THSD7B: variants seen among roughly 807,000 people sequenced by gnomAD.
THSD7B encodes the protein thrombospondin type-1 domain-containing protein 7B.
In THSD7B, 138 loss-of-function variants were observed where a neutral mutation model predicts 213.6. The ratio of observed to expected loss-of-function variants is 0.65; its 90% CI spans 0.56 to 0.74. The LOEUF is 0.74. THSD7B is among the 30% of genes least tolerant of loss of function. The pLI, the probability that THSD7B is intolerant of heterozygous loss-of-function variation, is 0.00. For missense variants in THSD7B, 1,931 were observed against 1,991.5 expected (o/e 0.97, Z 0.58); for synonymous variants, 742 against 687.0 (o/e 1.08, Z -1.25).
At chr2:137,116,849 A>G (rs1021366915) in intron 5 of THSD7B, among the ~76,000 whole-genome samples, 3 of 152,310 alleles carry the variant, frequency 2.0e-5, no homozygotes, top group Admixed American at 1.3e-4. Flanking sequence ...TGAGCAATCT[A>G]TCAAGCCCGA....
intron 2 of THSD7B, among the ~76,000 whole-genome samples, chr2:136,903,593 C>T (rs942269783): frequency 4.6e-5 from 7 of 152,104 alleles, no homozygotes; most frequent in Admixed American, 3.9e-4. Flanking sequence ...CACCCCAGCC[C>T]TTTATCCTGG....
At chr2:137,255,148 T>C (rs1682276800) in intron 10 of THSD7B, among the ~76,000 whole-genome samples, 1 of 152,126 alleles carries the variant, frequency 6.6e-6, no homozygotes, top group Non-Finnish European at 1.5e-5. Flanking sequence ...AAACTATCTT[T>C]CCTTCCACCC....
chr2:137,464,318 G>C (rs1049655815), intron 15 of THSD7B, among the ~76,000 whole-genome samples: 1 of 152,058 alleles, frequency 6.6e-6, no homozygotes, highest in Non-Finnish European at 1.5e-5. Flanking sequence ...CTTCCAGAAA[G>C]AGTGCAGAAT....
Position 137,072,816 on chromosome 2 carries a change from G to A in THSD7B, c.950+15586G>A, listed in dbSNP as rs552621481. Among the ~76,000 whole-genome samples the A allele has an allele frequency of 9.6e-4, 146 of 152,242 alleles. 1 individual carries two copies. The highest frequency in any genetic ancestry group is 2.7e-3 in the African/African-American group (114 of 41,548). On this transcript the variant is annotated intron_variant, in intron 3 of 27. Transcript: ENST00000409968. The stretch of plus-strand genomic sequence containing the variant: ...TTATTGAGAGTTTTTAGCATGAAGC[G>A]TTGTTGAATTTTGTCAAAGGCCTTT...
intron 15 of THSD7B, among the ~76,000 whole-genome samples, chr2:137,552,307 G>A (rs1680865332): frequency 6.6e-6 from 1 of 151,984 alleles, no homozygotes; most frequent in Non-Finnish European, 1.5e-5. Context: ...TTAGAATTAT[G>A]TTCATTGAAA....
intron 12 of THSD7B, among the ~76,000 whole-genome samples, chr2:137,376,119 A>G (rs1685649549): frequency 6.6e-6 from 1 of 152,176 alleles, no homozygotes; most frequent in Non-Finnish European, 1.5e-5. Flanking sequence ...GTTGTTTTTC[A>G]TGGGAGAATA....
At chr2:137,546,412 AT>A in intron 15 of THSD7B, among the ~76,000 whole-genome samples, 1 of 33,940 alleles carries the variant, frequency 2.9e-5, no homozygotes, top group Non-Finnish European at 4.6e-5. Context: ...TATTATATAT[AT>A]ATTATATATA....
At chr2:137,114,688 G>T (rs1026060958) in intron 4 of THSD7B, among the ~76,000 whole-genome samples, 1 of 152,116 alleles carries the variant, frequency 6.6e-6, no homozygotes, top group Non-Finnish European at 1.5e-5. Flanking sequence ...ATATATTTAC[G>T]ACTTTACACA....
chr2:137,198,559 C>G (rs1680811971), intron 7 of THSD7B, among the ~76,000 whole-genome samples: 1 of 152,168 alleles, frequency 6.6e-6, no homozygotes, highest in Admixed American at 6.5e-5. Flanking sequence ...ACGGTTTCAG[C>G]TGCTAGCTTT....
At chr2:136,956,780 A>G (rs1685134191) in intron 2 of THSD7B, among the ~76,000 whole-genome samples, 1 of 151,788 alleles carries the variant, frequency 6.6e-6, no homozygotes, top group Non-Finnish European at 1.5e-5. Context: ...CCCGGGTTCA[A>G]GTGATTCTCC....
intron 5 of THSD7B, among the ~76,000 whole-genome samples, chr2:137,124,908 C>G (rs1397465410): frequency 5.9e-5 from 9 of 152,080 alleles, no homozygotes; most frequent in Non-Finnish European, 1.2e-4. Context: ...AAATATGCAA[C>G]ATGTGATAAA....
chr2:137,653,573 T>G (rs1683176980), intron 21 of THSD7B, among the ~76,000 whole-genome samples: 1 of 150,604 alleles, frequency 6.6e-6, no homozygotes, highest in Admixed American at 6.7e-5. Context: ...AGATTTGGTC[T>G]TTTGGGGTAA....
At chr2:136,970,701 A>G (rs1685390890) in intron 2 of THSD7B, among the ~76,000 whole-genome samples, 1 of 152,198 alleles carries the variant, frequency 6.6e-6, no homozygotes, top group African/African-American at 2.4e-5. Context: ...GCCAAGGTCC[A>G]GTTTAGTAAA....
intron 1 of THSD7B, among the ~76,000 whole-genome samples, chr2:136,866,849 T>A (rs1683342305): frequency 6.6e-6 from 1 of 152,214 alleles, no homozygotes; most frequent in African/African-American, 2.4e-5. Context: ...TAGCAGAGTC[T>A]GTGAGAAATG....
intron 2 of THSD7B, among the ~76,000 whole-genome samples, chr2:136,916,549 T>G (rs1684351725): frequency 6.6e-6 from 1 of 152,150 alleles, no homozygotes; most frequent in African/African-American, 2.4e-5. Flanking sequence ...TAGAACTCAG[T>G]TTTGAAGTTG....
At chr2:137,536,376 G>C (rs1241456717) in intron 15 of THSD7B, among the ~76,000 whole-genome samples, 1 of 151,486 alleles carries the variant, frequency 6.6e-6, no homozygotes, top group Non-Finnish European at 1.5e-5. Flanking sequence ...AGGGAGATCT[G>C]AACTGAACTC....
intron 6 of THSD7B, among the ~76,000 whole-genome samples, chr2:137,164,886 G>C (rs956881721): frequency 1.3e-5 from 2 of 152,158 alleles, no homozygotes; most frequent in African/African-American, 2.4e-5. Context: ...GTCGTGGGGT[G>C]GGGGAGAGGG....
rs113706266 is a variant in THSD7B at position 137,063,845 on chromosome 2, G to A, written c.950+6615G>A. ...CCATCCATGTTGGTGCAGATGACAG[G>A]ATCTCATTGGTTTTTATAGCTGACT... On this transcript the variant is annotated intron_variant, in intron 3 of 27. Coordinates refer to ENST00000409968, the MANE Select transcript of THSD7B (RefSeq NM_001316349.2). Among the ~76,000 whole-genome samples, 605 of 152,150 alleles carry A rather than the reference G, an allele frequency of 4.0e-3. 5 individuals are homozygous for A. Among genetic ancestry groups the A allele is most frequent in the African/African-American group, 0.013 (549 of 41,516 alleles).
intron 10 of THSD7B, among the ~76,000 whole-genome samples, chr2:137,258,683 C>T (rs1682365127): frequency 2.0e-5 from 3 of 149,702 alleles, no homozygotes; most frequent in Admixed American, 2.0e-4. Context: ...TTTTTCTGCA[C>T]ATTTTTTTTT....
Sources: allele counts gnomAD v4.1 joint callset (sites outside exome capture counted in the v4.1 genomes callset), GRCh38; gene constraint gnomAD v4.1.1; transcripts MANE v1.5; gene names NCBI Gene and HGNC (gene_info 2026-07-23, HGNC 2026-07-21).